Variants in ACTR2 observed in about 807,000 individuals in gnomAD.
The protein encoded by ACTR2 is actin related protein 2.
ACTR2 carries 5 observed loss-of-function variants against 50.2 expected under a neutral mutation model. The ratio of observed to expected loss-of-function variants is 0.10; its 90% CI spans 0.05 to 0.21. The LOEUF is 0.21. Ranked by LOEUF, ACTR2 falls within the 10% of genes least tolerant of loss-of-function variation. The pLI, the probability that ACTR2 is intolerant of heterozygous loss-of-function variation, is 1.00. For missense variants in ACTR2, 180 were observed against 480.6 expected (o/e 0.37, Z 5.85); for synonymous variants, 140 against 162.9 (o/e 0.86, Z 1.07).
At chr2:65,228,094 C>A (rs1671561416) in intron 1 of ACTR2, 137 bp downstream of exon 1, 1 of 764,136 alleles carries the variant, frequency 1.3e-6, no homozygotes, top group East Asian at 3.5e-5. Flanking sequence ...CTCCCACCTC[C>A]GCGGGCGTGG....
intron 4 of ACTR2, among the ~76,000 whole-genome samples, chr2:65,252,228 CT>C (rs936199632): frequency 5.4e-5 from 8 of 148,062 alleles, no homozygotes; most frequent in Admixed American, 2.7e-4. Context: ...TGAATTCCTC[CT>C]TTTTTTTTTC....
At chr2:65,246,782 A>G (rs1459112543) in intron 3 of ACTR2, 43 bp downstream of exon 3, 28 of 1,335,806 alleles carry the variant, frequency 2.1e-5, no homozygotes, top group Non-Finnish European at 2.9e-5. Flanking sequence ...TTTCTGTGAT[A>G]TTATGTTAAA....
At chr2:65,255,781 T>A (rs1434620162) in intron 6 of ACTR2, 87 bp downstream of exon 6, 2 of 1,285,884 alleles carry the variant, frequency 1.6e-6, no homozygotes, top group Non-Finnish European at 2.1e-6. Flanking sequence ...TTTCTTAGAA[T>A]CAGTATTTTT....
chr2:65,247,074 C>A (rs1671951188), intron 3 of ACTR2, among the ~76,000 whole-genome samples: 1 of 152,022 alleles, frequency 6.6e-6, no homozygotes, highest in Non-Finnish European at 1.5e-5. Flanking sequence ...TAAGCAGTTA[C>A]AGAGTTAATT....
At chr2:65,259,593 G>GT (rs1672224038) in intron 6 of ACTR2, among the ~76,000 whole-genome samples, 2 of 152,090 alleles carry the variant, frequency 1.3e-5, no homozygotes, top group Non-Finnish European at 2.9e-5. Flanking sequence ...GCCAGGCGTG[G>GT]TGGCACATGC....
chr2:65,227,991 A>G (rs1426844382), intron 1 of ACTR2, 34 bp downstream of exon 1: 2 of 1,485,606 alleles, frequency 1.3e-6, no homozygotes, highest in African/African-American at 1.5e-5. Context: ...TGGCGGCCAC[A>G]GACGCCGGCG....
intron 1 of ACTR2, among the ~76,000 whole-genome samples, chr2:65,231,997 C>A (rs1671647744): frequency 6.6e-6 from 1 of 152,212 alleles, no homozygotes; most frequent in African/African-American, 2.4e-5. Context: ...GTTGGTCCCG[C>A]TTGATTTTCT....
intron 4 of ACTR2, among the ~76,000 whole-genome samples, chr2:65,253,458 G>GA (rs945061103): frequency 1.3e-5 from 2 of 151,370 alleles, no homozygotes; most frequent in African/African-American, 2.4e-5. Context: ...AAAAAAAAAG[G>GA]AAAAAAAAGT....
At chr2:65,233,230 G>C (rs1671673379) in intron 1 of ACTR2, among the ~76,000 whole-genome samples, 1 of 151,924 alleles carries the variant, frequency 6.6e-6, no homozygotes, top group Non-Finnish European at 1.5e-5. Flanking sequence ...CCTGACGTCA[G>C]GTGATCTGCC....
At position 65,268,801 on chromosome 2, in the gene ACTR2, T is replaced by C; in HGVS notation, c.*67T>C. On this transcript the variant is annotated 3_prime_UTR_variant, in exon 9 of 9. Coordinates refer to ENST00000260641, the MANE Select transcript of ACTR2 (RefSeq NM_005722.4). ...TTTCCTTTATTGCCAATCTTTGAACTCATTCAACTCCAGGACATGGAAGAG... is the reference window on the plus strand; with the variant it reads ...TTTCCTTTATTGCCAATCTTTGAACCCATTCAACTCCAGGACATGGAAGAG... 1 of 1,513,070 alleles carries C rather than the reference T, an allele frequency of 6.6e-7. No homozygotes were observed. 93.7% of individuals were successfully genotyped at this position (1,513,070 alleles called of 1,614,324 possible).
chr2:65,264,990 ATACCATTT>A (rs1026793605), intron 7 of ACTR2, 45 bp from the exon 8 acceptor site: 36 of 1,604,208 alleles, frequency 2.2e-5, no homozygotes, highest in Non-Finnish European at 2.9e-5. Context: ...TAACCCTGAG[ATACCATTT>A]TCCTAACCTA....
At chr2:65,265,988 G>A (rs1558630364) in intron 8 of ACTR2, among the ~76,000 whole-genome samples, 1 of 152,178 alleles carries the variant, frequency 6.6e-6, no homozygotes, top group Non-Finnish European at 1.5e-5. Context: ...CAGATTAACA[G>A]ACTGGAAAGG....
intron 4 of ACTR2, 90 bp from the exon 5 acceptor site, chr2:65,253,638 C>G (rs1451869963): frequency 4.5e-6 from 6 of 1,329,688 alleles, no homozygotes; most frequent in Non-Finnish European, 5.2e-6. Context: ...GGTTACGTTT[C>G]TGTTTTGGCT....
chr2:65,268,892 A>T lies in ACTR2; in HGVS notation c.*158A>T. ...CTGGTGTCTTGGGGAAGCTTTGTTA[A>T]ATTTTTGTTAATGTGGGTAAATCTG... On this transcript the variant is annotated 3_prime_UTR_variant, in exon 9 of 9. Coordinates refer to ENST00000260641, the MANE Select transcript of ACTR2 (RefSeq NM_005722.4). The T allele has an allele frequency of 1.4e-6, 1 of 723,762 alleles. No homozygotes were observed. 44.8% of individuals were successfully genotyped at this position (723,762 alleles called of 1,614,324 possible). A position where few individuals can be genotyped will look rare whatever the true frequency, so the allele number is the denominator to read the frequency against.
At position 65,246,616 on chromosome 2, in the gene ACTR2, C is replaced by A. The variant is rs777590014; in HGVS notation, c.252C>A (p.Asp84Glu). The A allele has an allele frequency of 6.2e-7, 1 of 1,613,292 alleles. No individual in the cohort carries two copies. The highest frequency in any genetic ancestry group is 2.2e-5 in the East Asian group (1 of 44,798). The change falls in exon 3 of 9, where the codon GAC becomes GAA. Residue 84 changes from aspartate to glutamate, a missense_variant. Physicochemically the swap from Asp to Glu is conservative, Grantham distance 45 (BLOSUM62 2). Coordinates refer to ENST00000260641, the MANE Select transcript of ACTR2 (RefSeq NM_005722.4). ...MENGIVRNWD[D>E]MKHLWDYTFG... The stretch of plus-strand genomic sequence containing the variant: ...ATGGCATAGTACGAAATTGGGATGA[C>A]ATGAAACACCTGTGGGACTACACAT...
intron 4 of ACTR2, among the ~76,000 whole-genome samples, chr2:65,251,934 T>C (rs1056587861): frequency 6.6e-6 from 1 of 152,180 alleles, no homozygotes; most frequent in African/African-American, 2.4e-5. Flanking sequence ...AGCTCTTTTT[T>C]TTTTTTATGG....
chr2:65,268,412 G>T (rs542427185), intron 8 of ACTR2, 152 bp from the exon 9 acceptor site: 2 of 641,256 alleles, frequency 3.1e-6, no homozygotes, highest in Non-Finnish European at 5.1e-6. Context: ...ATTACTAAAT[G>T]TTTCTGTACC....
chr2:65,256,946 A>T (rs1412104156), intron 6 of ACTR2, among the ~76,000 whole-genome samples: 4 of 151,820 alleles, frequency 2.6e-5, no homozygotes, highest in Non-Finnish European at 5.9e-5. Flanking sequence ...AAATTTTTTT[A>T]AATTTATTTT....
chr2:65,259,414 C>T (rs1672218824), intron 6 of ACTR2, among the ~76,000 whole-genome samples: 1 of 151,670 alleles, frequency 6.6e-6, no homozygotes. Context: ...AGATGAAGAC[C>T]CTATCTCAAA....
Sources: allele counts gnomAD v4.1 joint callset (sites outside exome capture counted in the v4.1 genomes callset), GRCh38; gene constraint gnomAD v4.1.1; transcripts MANE v1.5; gene names NCBI Gene and HGNC (gene_info 2026-07-23, HGNC 2026-07-21).